Variants in UCK2 observed in about 807,000 individuals in gnomAD.
The protein encoded by UCK2 is cytidine monophosphokinase 2.
UCK2 carries 6 observed loss-of-function variants against 30.8 expected under a neutral mutation model. The observed-to-expected ratio is 0.19, with a 90% CI of 0.11 to 0.38. The LOEUF (loss-of-function observed/expected upper bound fraction) is 0.38. Among genes scored for constraint, UCK2 ranks in the 10% least tolerant of loss-of-function variants. The probability of loss-of-function intolerance (pLI) is 1.00; values close to 1 mark genes in which losing one functional copy is unlikely to be tolerated. For synonymous variants in UCK2, 125 were observed against 133.6 expected (o/e 0.94, Z 0.45); for missense variants, 210 against 339.8 (o/e 0.62, Z 3.00).
chr1:165,833,748 C>G (rs1654113282), intron 1 of UCK2, among the ~76,000 whole-genome samples: 1 of 152,010 alleles, frequency 6.6e-6, no homozygotes, highest in Non-Finnish European at 1.5e-5. Flanking sequence ...TACTTAAGGT[C>G]TCTAAATCTT....
At chr1:165,895,609 C>T (rs1393667963) in intron 3 of UCK2, 2 of 985,488 alleles carry the variant, frequency 2.0e-6, no homozygotes, top group Non-Finnish European at 2.4e-6. Context: ...AGACAGACGT[C>T]GGGATTCTGT....
intron 1 of UCK2, among the ~76,000 whole-genome samples, chr1:165,886,986 A>G (rs1474618690): frequency 1.3e-5 from 2 of 152,144 alleles, no homozygotes; most frequent in Non-Finnish European, 2.9e-5. Flanking sequence ...TATTTGTGCA[A>G]TTTTATTTAT....
intron 1 of UCK2, among the ~76,000 whole-genome samples, chr1:165,875,839 G>A (rs535242761): frequency 6.6e-6 from 1 of 152,264 alleles, no homozygotes; most frequent in Admixed American, 6.5e-5. Context: ...TCAGCTATCC[G>A]GAAACTCCCT....
intron 1 of UCK2, among the ~76,000 whole-genome samples, chr1:165,881,932 C>T (rs896453509): frequency 3.9e-5 from 6 of 152,212 alleles, no homozygotes; most frequent in African/African-American, 1.4e-4. Context: ...CTCTCAGACG[C>T]AGTCTAACAT....
intron 1 of UCK2, among the ~76,000 whole-genome samples, chr1:165,835,961 GCT>G (rs1391915278): frequency 6.6e-6 from 1 of 152,178 alleles, no homozygotes; most frequent in East Asian, 1.9e-4. Context: ...GGGCGCGGTG[GCT>G]CATGCCTGTA....
At chr1:165,892,050 TGAGA>T (rs143603083) in intron 3 of UCK2, 6 of 144,902 alleles carry the variant, frequency 4.1e-5, no homozygotes, top group Non-Finnish European at 7.5e-5. Context: ...AGGAGGAAGA[TGAGA>T]GAGAGAGAGA....
intron 1 of UCK2, among the ~76,000 whole-genome samples, chr1:165,883,994 T>C (rs1027450009): frequency 6.6e-6 from 1 of 152,130 alleles, no homozygotes; most frequent in Non-Finnish European, 1.5e-5. Context: ...CTGAGCCATG[T>C]GGGGAGCAAC....
chr1:165,867,604 A>T (rs1349307921), intron 1 of UCK2, among the ~76,000 whole-genome samples: 1 of 152,228 alleles, frequency 6.6e-6, no homozygotes, highest in African/African-American at 2.4e-5. Flanking sequence ...TCAAGAAACT[A>T]CTTTCGTAAG....
intron 1 of UCK2, among the ~76,000 whole-genome samples, chr1:165,889,669 C>A (rs74902333): frequency 6.9e-6 from 1 of 145,586 alleles, no homozygotes; most frequent in African/African-American, 2.5e-5. Context: ...GCGTGTAAGG[C>A]GGACTCTTCT....
chr1:165,896,310 G>A lies in UCK2; in HGVS notation c.477G>A (p.Ala159=), dbSNP rs1165427600. The A allele has an allele frequency of 9.9e-6, 16 of 1,614,044 alleles. No homozygotes were observed. The highest frequency in any genetic ancestry group is 3.3e-5 in the Admixed American group (2 of 60,010). Residue 159 remains alanine (A), a synonymous_variant, in exon 4 of 7, where the codon GCG becomes GCA. Coordinates refer to ENST00000367879, the MANE Select transcript of UCK2 (RefSeq NM_012474.5). ...TGAAGCTTTTTGTGGATACAGATGC[G>A]GACACCCGGCTCTCACGCAGAGGTG... ...FQMKLFVDTD[A]DTRLSRRVLR...
Position 165,898,251 on chromosome 1 carries a change from A to G in UCK2, c.499+1919A>G, listed in dbSNP as rs374435518. On this transcript the variant is annotated intron_variant, in intron 4 of 6. Coordinates refer to ENST00000367879, the MANE Select transcript of UCK2 (RefSeq NM_012474.5). ...TTTTACCACTTACTAGATGTGTGGC[A>G]AATTGTGCAAATTGGCAAATTGTGT... Among the ~76,000 whole-genome samples, 9 of 126,600 alleles carry G rather than the reference A, an allele frequency of 7.1e-5. No homozygotes were observed. The South Asian group carries it at 1.9e-3, about 26-fold the overall frequency. The allele number at this position is 126,600 out of a possible 152,430, so 83.1% of individuals were successfully genotyped here. A position where few individuals can be genotyped will look rare whatever the true frequency, so the allele number is the denominator to read the frequency against.
chr1:165,903,312 T>G, intron 5 of UCK2, 33 bp downstream of exon 5: 1 of 1,593,656 alleles, frequency 6.3e-7, no homozygotes. Context: ...TTTTGTTGAA[T>G]GTAGAATTTA....
chr1:165,834,262 T>A (rs1479863822), intron 1 of UCK2, among the ~76,000 whole-genome samples: 2 of 152,194 alleles, frequency 1.3e-5, no homozygotes, highest in Non-Finnish European at 2.9e-5. Context: ...CATTTTGTAG[T>A]ACTTACTAAA....
intron 1 of UCK2, among the ~76,000 whole-genome samples, chr1:165,880,524 C>A (rs932714746): frequency 2.4e-4 from 36 of 150,236 alleles, no homozygotes; most frequent in Non-Finnish European, 4.6e-4. Context: ...AGCAGTTCAC[C>A]AAAGTTAGCA....
intron 1 of UCK2, among the ~76,000 whole-genome samples, chr1:165,840,028 C>T (rs1182447475): frequency 1.3e-5 from 2 of 152,148 alleles, no homozygotes; most frequent in African/African-American, 4.8e-5. Flanking sequence ...AAGCAATTCT[C>T]CTGCCTCAGC....
intron 1 of UCK2, among the ~76,000 whole-genome samples, chr1:165,835,439 G>T (rs983844412): frequency 6.6e-6 from 1 of 151,772 alleles, no homozygotes. Context: ...GGCCTCAAGC[G>T]GTCGTCCTGT....
chr1:165,896,124 C>T (rs1349446352), intron 3 of UCK2, 66 bp from the exon 4 acceptor site: 25 of 1,598,732 alleles, frequency 1.6e-5, no homozygotes, highest in Non-Finnish European at 2.0e-5. Context: ...GATGTTCTGG[C>T]CCTTGTTCTC....
At chr1:165,877,420 T>C (rs924359085) in intron 1 of UCK2, among the ~76,000 whole-genome samples, 1 of 152,216 alleles carries the variant, frequency 6.6e-6, no homozygotes, top group Admixed American at 6.5e-5. Flanking sequence ...TTTTGCTGTT[T>C]ATTACCTGCC....
Position 165,891,315 on chromosome 1 carries a change from C to T in UCK2, c.349C>T (p.His117Tyr). The change falls in exon 3 of 7, where the codon CAT becomes TAT. Residue 117 changes from histidine to tyrosine, a missense_variant. Physicochemically the swap from His to Tyr is moderately conservative, Grantham distance 83. Transcript: ENST00000367879. ...GATCCCCGTGTATGACTTTGTCTCC[C>T]ATTCCCGGTAAGTGAGCTGTTCTGG... ...VQIPVYDFVS[H>Y]SRKEETVTVY... 1 of 1,614,126 alleles carries T rather than the reference C, an allele frequency of 6.2e-7. No individual in the cohort carries two copies. The highest frequency in any genetic ancestry group is 8.5e-7 in the Non-Finnish European group (1 of 1,179,960).
Sources: gnomAD v4.1 joint callset for allele counts (sites outside exome capture counted in the v4.1 genomes callset) on GRCh38, gnomAD v4.1.1 for gene constraint, MANE v1.5 for transcripts, NCBI Gene and HGNC (gene_info 2026-07-23, HGNC 2026-07-21) for gene names.